The following ATP8A1 variants were observed in gnomAD, a reference collection of about 807,000 sequenced individuals.
ATP8A1 encodes ATPase phospholipid transporting 8A1.
A neutral mutation model predicts 177.7 loss-of-function variants in ATP8A1; 90 were observed. The ratio of observed to expected loss-of-function variants is 0.51; its 90% CI spans 0.43 to 0.60. ATP8A1 has a LOEUF of 0.60. ATP8A1 is among the 20% of genes least tolerant of loss of function. The probability of loss-of-function intolerance (pLI) is 0.00; values close to 1 mark genes in which losing one functional copy is unlikely to be tolerated. For missense variants in ATP8A1, 1,072 were observed against 1,392.8 expected (o/e 0.77, Z 3.67); for synonymous variants, 493 against 485.9 (o/e 1.01, Z -0.19).
At chr4:42,472,813 T>A (rs1344957727) in intron 25 of ATP8A1, among the ~76,000 whole-genome samples, 1 of 150,446 alleles carries the variant, frequency 6.6e-6, no homozygotes, top group Non-Finnish European at 1.5e-5. Context: ...CCTAAAAACA[T>A]TAATTTGGAT....
intron 25 of ATP8A1, among the ~76,000 whole-genome samples, chr4:42,476,975 A>C (rs1280542474): frequency 6.6e-6 from 1 of 152,228 alleles, no homozygotes; most frequent in Non-Finnish European, 1.5e-5. Flanking sequence ...TTTGATATAT[A>C]TCAATTATTA....
intron 25 of ATP8A1, among the ~76,000 whole-genome samples, chr4:42,477,698 G>A (rs1466834013): frequency 6.6e-6 from 1 of 151,852 alleles, no homozygotes; most frequent in Non-Finnish European, 1.5e-5. Context: ...TTGGCTAGGC[G>A]CAGTGGCTCA....
chr4:42,514,670 C>T (rs1331823158), intron 22 of ATP8A1, among the ~76,000 whole-genome samples: 3 of 152,140 alleles, frequency 2.0e-5, no homozygotes, highest in East Asian at 3.9e-4. Context: ...ATATTTTATA[C>T]ACATTCTTGC....
intron 33 of ATP8A1, among the ~76,000 whole-genome samples, chr4:42,437,305 A>T (rs1302447036): frequency 6.6e-6 from 1 of 152,232 alleles, no homozygotes; most frequent in African/African-American, 2.4e-5. Flanking sequence ...TTCAAAAAAT[A>T]CTCAGTAACA....
intron 27 of ATP8A1, among the ~76,000 whole-genome samples, chr4:42,463,863 G>A (rs1719437914): frequency 6.6e-6 from 1 of 152,180 alleles, no homozygotes; most frequent in Non-Finnish European, 1.5e-5. Flanking sequence ...GATAGAGAGG[G>A]ATGCTTGTAT....
intron 1 of ATP8A1, among the ~76,000 whole-genome samples, chr4:42,648,971 T>C (rs777039435): frequency 1.3e-4 from 20 of 152,162 alleles, no homozygotes; most frequent in Non-Finnish European, 2.2e-4. Flanking sequence ...TGTAAACCAG[T>C]ATAATCTTTC....
chr4:42,648,430 G>T (rs1385361081), intron 1 of ATP8A1, among the ~76,000 whole-genome samples: 1 of 152,026 alleles, frequency 6.6e-6, no homozygotes, highest in East Asian at 1.9e-4. Context: ...ACATACGGAA[G>T]CACCTCAAAT....
At chr4:42,655,054 G>A (rs1342692625) in intron 1 of ATP8A1, among the ~76,000 whole-genome samples, 1 of 152,216 alleles carries the variant, frequency 6.6e-6, no homozygotes, top group East Asian at 1.9e-4. Context: ...AGGGGAAAGG[G>A]TCATTCACTC....
intron 1 of ATP8A1, among the ~76,000 whole-genome samples, chr4:42,639,379 T>C (rs1459053059): frequency 1.3e-5 from 2 of 152,168 alleles, no homozygotes; most frequent in Non-Finnish European, 2.9e-5. Context: ...AAAGAATTGA[T>C]GAGATGAGCC....
chr4:42,587,310 C>CTTTT (rs991848308), intron 8 of ATP8A1, among the ~76,000 whole-genome samples: 1 of 137,434 alleles, frequency 7.3e-6, no homozygotes, highest in African/African-American at 2.7e-5. Flanking sequence ...CTTTTCTTTT[C>CTTTT]TTTTTTTTTT....
chr4:42,463,969 C>T (rs115011974), intron 27 of ATP8A1, among the ~76,000 whole-genome samples: 162 of 152,270 alleles, frequency 1.1e-3, no homozygotes, highest in African/African-American at 3.7e-3. Flanking sequence ...ACTTCTTTGT[C>T]TCCTCCCAGA....
intron 33 of ATP8A1, among the ~76,000 whole-genome samples, chr4:42,432,031 G>A (rs1225498473): frequency 6.6e-6 from 1 of 152,112 alleles, no homozygotes; most frequent in African/African-American, 2.4e-5. Context: ...CTCTATTAGC[G>A]AGGTATCTCT....
intron 3 of ATP8A1, 132 bp downstream of exon 3, chr4:42,625,482 G>A: frequency 1.9e-6 from 1 of 525,008 alleles, no homozygotes; most frequent in Non-Finnish European, 3.4e-6. Flanking sequence ...AACACTGCTT[G>A]CAGCAGGAGC....
At chr4:42,537,786 C>A (rs958878566) in intron 20 of ATP8A1, among the ~76,000 whole-genome samples, 9 of 152,192 alleles carry the variant, frequency 5.9e-5, no homozygotes, top group Non-Finnish European at 1.0e-4. Context: ...GCAAACACAT[C>A]CCATGCTCAT....
chr4:42,566,139 T>C (rs1731317736), intron 15 of ATP8A1, among the ~76,000 whole-genome samples: 1 of 152,234 alleles, frequency 6.6e-6, no homozygotes, highest in African/African-American at 2.4e-5. Flanking sequence ...TGGAAAGACT[T>C]AATACATTAT....
rs557541422 is a variant in ATP8A1, at chr4:42,527,117, T to G, written c.1723-2270A>C. Reference sequence around the variant, plus strand: ...GAAAGAAAATGATGAACTCAGGGATTCTATCTCCTGGCTTCAGAAGCAGAT... The same window carrying G: ...GAAAGAAAATGATGAACTCAGGGATGCTATCTCCTGGCTTCAGAAGCAGAT... On this transcript the variant is annotated intron_variant, in intron 20 of 36. Transcript: ENST00000381668. Among the ~76,000 whole-genome samples, 6 of 152,332 alleles carry G rather than the reference T, an allele frequency of 3.9e-5. No individual in the cohort carries two copies. The East Asian group carries it at 1.2e-3, about 29-fold the overall frequency.
chr4:42,551,446 G>C (rs1293793141), intron 17 of ATP8A1, among the ~76,000 whole-genome samples, 166 bp from the exon 18 acceptor site: 3 of 152,132 alleles, frequency 2.0e-5, no homozygotes, highest in Non-Finnish European at 4.4e-5. Flanking sequence ...CAATTCCAAA[G>C]AAATGAGGAT....
chr4:42,633,837 G>C (rs558371295), intron 1 of ATP8A1, among the ~76,000 whole-genome samples: 1 of 152,250 alleles, frequency 6.6e-6, no homozygotes, highest in South Asian at 2.1e-4. Context: ...CAGAGAAGAC[G>C]TCTCAAGGAG....
Position 42,448,401 on chromosome 4 carries a change from C to CTTTTCTTTTTT in ATP8A1, c.2897-1758_2897-1757insAAAAAAGAAAA, listed in dbSNP as rs1553875016. ...CTCCCTCCCTCCTTCTCTTTCTTTT[C>CTTTTCTTTTTT]TTTTTTTTTTTTTTGAGATGGAGTC... On this transcript the variant is annotated intron_variant, in intron 30 of 36. Transcript: ENST00000381668. Among the ~76,000 whole-genome samples the CTTTTCTTTTTT allele has an allele frequency of 8.7e-4, 87 of 99,574 alleles. 5 individuals are homozygous for CTTTTCTTTTTT. Among genetic ancestry groups the CTTTTCTTTTTT allele is most frequent in the Non-Finnish European group, 1.4e-3 (76 of 52,610 alleles). The allele number at this position is 99,574 out of a possible 152,430, so 65.3% of individuals were successfully genotyped here. A position where few individuals can be genotyped will look rare whatever the true frequency, so the allele number is the denominator to read the frequency against.
Sources: gnomAD v4.1 joint callset for allele counts (sites outside exome capture counted in the v4.1 genomes callset) on GRCh38, gnomAD v4.1.1 for gene constraint, MANE v1.5 for transcripts, NCBI Gene and HGNC (gene_info 2026-07-23, HGNC 2026-07-21) for gene names.